The following NCF2 variants were observed in gnomAD, a reference collection of about 807,000 sequenced individuals.
NCF2 encodes neutrophil cytosolic factor 2, also known as neutrophil cytosol factor 2.
Under a neutral mutation model 70.9 loss-of-function variants are expected in NCF2, and 45 were observed. The observed-to-expected ratio is 0.63, with a 90% CI of 0.50 to 0.81. The LOEUF (loss-of-function observed/expected upper bound fraction) is 0.81, where lower values mean the gene tolerates loss of function less well. Ranked by LOEUF, NCF2 falls within the 40% of genes least tolerant of loss-of-function variation. NCF2 has a pLI of 0.00. For missense variants in NCF2, 522 were observed against 631.6 expected (o/e 0.83, Z 1.86); for synonymous variants, 203 against 233.6 (o/e 0.87, Z 1.19).
chr1:183,580,045 G>A (rs1672988155), intron 2 of NCF2, among the ~76,000 whole-genome samples: 1 of 152,204 alleles, frequency 6.6e-6, no homozygotes, highest in Non-Finnish European at 1.5e-5. Flanking sequence ...TTAGAGCTGA[G>A]CACAAGGGCT....
At position 183,580,699 on chromosome 1, in the gene NCF2, C is replaced by T. The variant is rs73054037; in HGVS notation, c.258-2992G>A. On this transcript the variant is annotated intron_variant, in intron 2 of 14. Transcript: ENST00000367535. ...GCCCATCAAGATGTCTACAGAGGCC[C>T]GGTGCAGTGGCTCGTGCCGGTAATC... Among the ~76,000 whole-genome samples the T allele has an allele frequency of 4.3e-3, 650 of 152,208 alleles. 3 individuals are homozygous for T. Among genetic ancestry groups the T allele is most frequent in the African/African-American group, 0.013 (546 of 41,536 alleles).
At chr1:183,599,516 CTTCT>C in the NCF2 span, among the ~76,000 whole-genome samples, 21 of 109,452 alleles carry the variant, frequency 1.9e-4, no homozygotes, top group African/African-American at 6.3e-4. Context: ...TCCTTCCTTC[CTTCT>C]TTCTCTCTCT....
intron 2 of NCF2, among the ~76,000 whole-genome samples, chr1:183,584,916 TA>T (rs35836322): frequency 0.039 from 6,003 of 152,268 alleles, 144 homozygotes; most frequent in South Asian, 0.09. Context: ...AAAGAATTTA[TA>T]AAGTCACAAT....
Position 183,556,116 on chromosome 1 carries a change from T to G in NCF2, c.*2A>C, listed in dbSNP as rs200240164. 6.2e-7 allele frequency: 1 copy of G among 1,612,928 alleles called. No individual in the cohort carries two copies. Among genetic ancestry groups the G allele is most frequent in the South Asian group, 1.1e-5 (1 of 91,056 alleles). Reference sequence around the variant, plus strand: ...CTTCAGCTTTGTAGTTTGTGAAACATCCTAGACTTCTCTCCGAGTGCTTTC... The same window carrying G: ...CTTCAGCTTTGTAGTTTGTGAAACAGCCTAGACTTCTCTCCGAGTGCTTTC... On this transcript the variant is annotated 3_prime_UTR_variant, in exon 15 of 15. Coordinates refer to ENST00000367535, the MANE Select transcript of NCF2 (RefSeq NM_000433.4).
chr1:183,581,596 A>C (rs576323003), intron 2 of NCF2, among the ~76,000 whole-genome samples: 1 of 151,836 alleles, frequency 6.6e-6, no homozygotes, highest in East Asian at 2.0e-4. Context: ...CCCAAAGTAC[A>C]AAGACTGCAA....
intron 7 of NCF2, among the ~76,000 whole-genome samples, chr1:183,568,186 G>A (rs1470918517): frequency 2.0e-5 from 3 of 150,898 alleles, no homozygotes; most frequent in African/African-American, 4.9e-5. Flanking sequence ...TTTTTGAGAC[G>A]GAATCTTGGT....
intron 3 of NCF2, 61 bp from the exon 4 acceptor site, chr1:183,574,682 A>G: frequency 6.3e-7 from 1 of 1,589,800 alleles, no homozygotes; most frequent in Non-Finnish European, 8.6e-7. Flanking sequence ...GTGCCAGGGA[A>G]AGGCTCACAC....
chr1:183,561,121 A>G (rs1167464547), intron 13 of NCF2, among the ~76,000 whole-genome samples: 1 of 152,238 alleles, frequency 6.6e-6, no homozygotes, highest in African/African-American at 2.4e-5. Context: ...TATACATCTT[A>G]GACTTATGAT....
At chr1:183,589,924 G>A (rs557442392) in intron 1 of NCF2, among the ~76,000 whole-genome samples, 2 of 152,130 alleles carry the variant, frequency 1.3e-5, no homozygotes, top group Non-Finnish European at 1.5e-5. Context: ...TTAGAAGATG[G>A]AGAAAGAGGC....
At chr1:183,583,416 C>T (rs1673202611) in intron 2 of NCF2, among the ~76,000 whole-genome samples, 1 of 152,212 alleles carries the variant, frequency 6.6e-6, no homozygotes, top group African/African-American at 2.4e-5. Context: ...ATCCCGCTTA[C>T]TTAAAACTAC....
rs756905770 is a variant in NCF2, at chr1:183,570,774, C to G, written c.669+6G>C. 6 of 1,613,932 alleles carry G rather than the reference C, an allele frequency of 3.7e-6. No individual in the cohort carries two copies. The highest frequency in any genetic ancestry group is 1.1e-5 in the South Asian group (1 of 91,080). ...AGGTCCATGGAGAAGGTCAGGACTG[C>G]CTTACCTGTGGTTGCAGAGGGGCAA... On this transcript the variant is annotated splice_donor_region_variant and intron_variant, in intron 6 of 14. Transcript: ENST00000367535.
rs762465566 is a variant in NCF2 at position 183,567,189 on chromosome 1, T to C, written c.855+15A>G. On this transcript the variant is annotated intron_variant, in intron 8 of 14. Coordinates refer to ENST00000367535, the MANE Select transcript of NCF2 (RefSeq NM_000433.4). ...ATCCCATGCCCATCGCACCAGCCCCTGATCCTCTGCATACCTGCCCGTTGA... is the reference window on the plus strand; with the variant it reads ...ATCCCATGCCCATCGCACCAGCCCCCGATCCTCTGCATACCTGCCCGTTGA... 1.2e-6 allele frequency: 2 copies of C among 1,614,014 alleles called. No homozygotes were observed. The highest frequency in any genetic ancestry group is 1.7e-5 in the Admixed American group (1 of 59,990).
At chr1:183,595,756 A>G (rs1186052686), upstream of NCF2, among the ~76,000 whole-genome samples, 5 of 152,194 alleles carry the variant, frequency 3.3e-5, no homozygotes, top group Non-Finnish European at 7.4e-5. Context: ...AGGCCCACCC[A>G]GAATATTCTC....
chr1:183,588,806 G>A (rs1673499030), intron 1 of NCF2, among the ~76,000 whole-genome samples: 1 of 152,222 alleles, frequency 6.6e-6, no homozygotes, highest in Admixed American at 6.5e-5. Context: ...AGACATGTGG[G>A]CCTGAAGGCC....
At chr1:183,556,713 G>A (rs1439533789) in intron 14 of NCF2, among the ~76,000 whole-genome samples, 3 of 152,072 alleles carry the variant, frequency 2.0e-5, no homozygotes, top group Non-Finnish European at 4.4e-5. Flanking sequence ...GTATTTATTA[G>A]AGACAGGATC....
chr1:183,585,494 G>A (rs1046495311), intron 2 of NCF2, among the ~76,000 whole-genome samples: 9 of 151,954 alleles, frequency 5.9e-5, no homozygotes, highest in East Asian at 3.9e-4. Context: ...ACGTAGTGGC[G>A]GGCACCTGTA....
the NCF2 span, among the ~76,000 whole-genome samples, chr1:183,601,640 G>A: frequency 1.3e-5 from 2 of 152,040 alleles, no homozygotes; most frequent in South Asian, 2.1e-4. Context: ...GGTGGGTCAC[G>A]AGGTCAGAAG....
At chr1:183,579,449 G>A (rs936854365) in intron 2 of NCF2, among the ~76,000 whole-genome samples, 3 of 152,028 alleles carry the variant, frequency 2.0e-5, no homozygotes, top group Non-Finnish European at 4.4e-5. Flanking sequence ...TAATAAGGCC[G>A]GGCGCAGTGG....
In NCF2 at chr1:183,582,355, C is replaced by T. The variant is rs961196726; in HGVS notation, c.257+4540G>A. On this transcript the variant is annotated intron_variant, in intron 2 of 14. Coordinates refer to ENST00000367535, the MANE Select transcript of NCF2 (RefSeq NM_000433.4). The stretch of plus-strand genomic sequence containing the variant: ...TTCACACCCACACTTCAGTGACACC[C>T]CTTGGGGCGCCTTGGCTGCACTGGA... Among the ~76,000 whole-genome samples, 4 of 152,216 alleles carry T rather than the reference C, an allele frequency of 2.6e-5. No individual in the cohort carries two copies. In the East Asian group the frequency reaches 5.8e-4, roughly 22 times the overall value.
Sources: allele counts gnomAD v4.1 joint callset (sites outside exome capture counted in the v4.1 genomes callset), GRCh38; gene constraint gnomAD v4.1.1; transcripts MANE v1.5; gene names NCBI Gene and HGNC (gene_info 2026-07-23, HGNC 2026-07-21).